CHRM3: variants seen among roughly 807,000 people sequenced by gnomAD.
CHRM3 encodes cholinergic receptor muscarinic 3, also known as muscarinic acetylcholine receptor M3.
A neutral mutation model predicts 41.8 loss-of-function variants in CHRM3; 11 were observed. The observed-to-expected ratio is 0.26, with a 90% CI of 0.17 to 0.44. CHRM3 has a LOEUF of 0.44. CHRM3 is among the 20% of genes least tolerant of loss of function. The pLI is 1.00. For synonymous variants in CHRM3, 297 were observed against 301.4 expected (o/e 0.99, Z 0.15); for missense variants, 571 against 745.4 (o/e 0.77, Z 2.72).
At chr1:239,666,258 G>C (rs923669182) in intron 4 of CHRM3, among the ~76,000 whole-genome samples, 1 of 151,400 alleles carries the variant, frequency 6.6e-6, no homozygotes, top group African/African-American at 2.4e-5. Context: ...GCAGTGGCTT[G>C]ATCTTGGCTC....
chr1:239,584,204 A>G (rs1663184487), intron 3 of CHRM3, among the ~76,000 whole-genome samples: 1 of 150,892 alleles, frequency 6.6e-6, no homozygotes, highest in African/African-American at 2.5e-5. Context: ...CCTGGGTTCA[A>G]GTGATTCTCC....
At chr1:239,630,314 T>C (rs538312735) in intron 3 of CHRM3, among the ~76,000 whole-genome samples, 111 of 152,318 alleles carry the variant, frequency 7.3e-4, no homozygotes, top group Middle Eastern at 6.8e-3. Flanking sequence ...TAATTGTAAA[T>C]TAGGCAAATG....
chr1:239,618,739 G>A (rs1365681122), intron 3 of CHRM3, among the ~76,000 whole-genome samples: 1 of 149,420 alleles, frequency 6.7e-6, no homozygotes, highest in East Asian at 2.1e-4. Flanking sequence ...AGCTACTTGG[G>A]AGGCTGAGGC....
chr1:239,805,399 C>T (rs148557017), intron 5 of CHRM3, among the ~76,000 whole-genome samples: 15 of 152,300 alleles, frequency 9.8e-5, no homozygotes, highest in East Asian at 1.9e-4. Context: ...ATACCTTTGA[C>T]TGCAGGTCTA....
At chr1:239,480,624 T>C (rs973304212) in intron 1 of CHRM3, among the ~76,000 whole-genome samples, 7 of 148,800 alleles carry the variant, frequency 4.7e-5, no homozygotes, top group Admixed American at 6.8e-5. Context: ...TGGCACGATC[T>C]TGGCTCACTG....
intron 6 of CHRM3, among the ~76,000 whole-genome samples, chr1:239,835,345 C>T (rs1335990073): frequency 6.6e-6 from 1 of 152,128 alleles, no homozygotes; most frequent in African/African-American, 2.4e-5. Flanking sequence ...GGACATTAAG[C>T]ATGAATCTTT....
intron 6 of CHRM3, among the ~76,000 whole-genome samples, chr1:239,898,913 AG>A (rs1017131514): frequency 6.6e-6 from 1 of 152,164 alleles, no homozygotes; most frequent in Non-Finnish European, 1.5e-5. Flanking sequence ...TGCCATAACT[AG>A]GGGGAAGAAG....
chr1:239,579,994 A>C (rs978599967), intron 3 of CHRM3, among the ~76,000 whole-genome samples: 3 of 152,114 alleles, frequency 2.0e-5, no homozygotes, highest in Non-Finnish European at 4.4e-5. Flanking sequence ...CCCTGGCTCC[A>C]GTGTTCTTAA....
At chr1:239,825,189 A>C (rs1168927717) in intron 5 of CHRM3, among the ~76,000 whole-genome samples, 1 of 152,170 alleles carries the variant, frequency 6.6e-6, no homozygotes, top group Non-Finnish European at 1.5e-5. Context: ...AAACTTTAAA[A>C]TCATGGTCAT....
chr1:239,506,293 T>G (rs971527952), intron 2 of CHRM3, among the ~76,000 whole-genome samples: 9 of 151,878 alleles, frequency 5.9e-5, no homozygotes, highest in African/African-American at 2.2e-4. Context: ...CCCAGAGACA[T>G]AGGAGGAAAA....
chr1:239,891,053 G>T (rs1386285225), intron 6 of CHRM3, among the ~76,000 whole-genome samples: 1 of 152,144 alleles, frequency 6.6e-6, no homozygotes, highest in Non-Finnish European at 1.5e-5. Context: ...CGGACAGTTT[G>T]CAATCAGGTG....
At position 239,910,584 on chromosome 1, in the gene CHRM3, GA is replaced by G. The variant is rs113268793; in HGVS notation, c.*1372del. The G allele has an allele frequency of 0.077, 12,267 of 159,338 alleles. 1,051 individuals carry two copies. The highest frequency in any genetic ancestry group is 0.22 in the African/African-American group (8,951 of 40,484). The allele number at this position is 159,338 out of a possible 1,614,324, so 9.9% of individuals were successfully genotyped here. Reference sequence around the variant, plus strand: ...TCAAATTGATTTCCTTACCTTTTGGGAAAAAAAAAAAATTGTTTTTTTGCAT... The same window carrying G: ...TCAAATTGATTTCCTTACCTTTTGGGAAAAAAAAAAATTGTTTTTTTGCAT... On this transcript the variant is annotated 3_prime_UTR_variant, in exon 7 of 7. Transcript: ENST00000676153.
At chr1:239,663,103 C>T (rs748830191) in intron 4 of CHRM3, among the ~76,000 whole-genome samples, 6 of 151,734 alleles carry the variant, frequency 4.0e-5, no homozygotes, top group Non-Finnish European at 8.8e-5. Flanking sequence ...CTCAGTCAGT[C>T]GGGGCTGTCC....
In CHRM3 at chr1:239,488,714, CAAAAAAAAAAAAAAAAA is replaced by C. The variant is rs763682628; in HGVS notation, c.-520-3974_-520-3958del. 2.8e-4 allele frequency among the ~76,000 whole-genome samples: 13 copies of C among 46,218 alleles called. 1 individual carries two copies. The highest frequency in any genetic ancestry group is 2.9e-3 in the South Asian group (2 of 698). The allele number at this position is 46,218 out of a possible 152,430, so 30.3% of individuals were successfully genotyped here. On this transcript the variant is annotated intron_variant, in intron 1 of 6. Transcript: ENST00000676153. Reference sequence around the variant, plus strand: ...TGGATGACAGAGCGAGACTCCTTCTCAAAAAAAAAAAAAAAAAAAAAAAAAAAAAAAAAAAAAGGGAA... The same window carrying C: ...TGGATGACAGAGCGAGACTCCTTCTCAAAAAAAAAAAAAAAAAAAAGGGAA...
intron 5 of CHRM3, among the ~76,000 whole-genome samples, chr1:239,777,346 G>A (rs1159142962): frequency 1.3e-5 from 2 of 152,162 alleles, no homozygotes; most frequent in East Asian, 3.9e-4. Flanking sequence ...AGGTTCTCAA[G>A]GAACTGTGAT....
At chr1:239,544,472 G>A (rs1659095205) in intron 2 of CHRM3, among the ~76,000 whole-genome samples, 1 of 152,084 alleles carries the variant, frequency 6.6e-6, no homozygotes, top group Admixed American at 6.5e-5. Context: ...TAACTAGTGT[G>A]TAATTTTTGG....
chr1:239,801,265 C>T (rs1267432314), intron 5 of CHRM3, among the ~76,000 whole-genome samples: 1 of 152,200 alleles, frequency 6.6e-6, no homozygotes, highest in Non-Finnish European at 1.5e-5. Context: ...CCCCCAAATA[C>T]ACACCTCTCT....
At chr1:239,662,023 C>CAGAAT (rs897390051) in intron 4 of CHRM3, among the ~76,000 whole-genome samples, 1 of 150,322 alleles carries the variant, frequency 6.7e-6, no homozygotes, top group Non-Finnish European at 1.5e-5. Context: ...TTAAAAAAAA[C>CAGAAT]AGAATAGAAT....
rs554250094 is a variant in CHRM3, at chr1:239,423,104, A to G, written c.-521+35877A>G. Among the ~76,000 whole-genome samples, 73 of 152,292 alleles carry G rather than the reference A, an allele frequency of 4.8e-4. 1 individual carries two copies. The highest frequency in any genetic ancestry group is 6.2e-4 in the South Asian group (3 of 4,820). On this transcript the variant is annotated intron_variant, in intron 1 of 6. Coordinates refer to ENST00000676153, the MANE Select transcript of CHRM3 (RefSeq NM_001375978.1). ...GTCACAGGGCTGTAGCCAGGACTCA[A>G]TGAACTACAGCATGTCAGAAGCATG...
Sources: allele counts gnomAD v4.1 joint callset (sites outside exome capture counted in the v4.1 genomes callset), GRCh38; gene constraint gnomAD v4.1.1; transcripts MANE v1.5; gene names NCBI Gene and HGNC (gene_info 2026-07-23, HGNC 2026-07-21).